The following CDH23 variants were observed in gnomAD, a reference collection of about 807,000 sequenced individuals.
CDH23 encodes the protein cadherin-23.
In CDH23, 189 loss-of-function variants were observed where a neutral mutation model predicts 317.1. That is an observed-to-expected ratio of 0.60 (90% CI 0.53 to 0.67). CDH23 has a LOEUF of 0.67. Ranked by LOEUF, CDH23 falls within the 30% of genes least tolerant of loss-of-function variation. The pLI is 0.00. For missense variants in CDH23, 4,401 were observed against 4,592.4 expected, an observed-to-expected ratio of 0.96 and a Z score of 1.20; for synonymous variants, 1,839 against 1,876.8, an observed-to-expected ratio of 0.98 and a Z score of 0.52.
chr10:71,789,748 C>T (rs539334686), intron 45 of CDH23, among the ~76,000 whole-genome samples: 17 of 152,336 alleles, frequency 1.1e-4, no homozygotes, highest in African/African-American at 3.6e-4. Context: ...CCCACTGATG[C>T]GCTCGTGTGC....
chr10:71,646,225 C>T (rs1390829438), intron 13 of CDH23, among the ~76,000 whole-genome samples: 2 of 152,218 alleles, frequency 1.3e-5, no homozygotes, highest in Admixed American at 1.3e-4. Flanking sequence ...GGAGCCTCTG[C>T]AACCCATCTC....
At position 71,519,303 on chromosome 10, in the gene CDH23, G is replaced by A. The variant is rs116112953; in HGVS notation, c.429+8091G>A. On this transcript the variant is annotated intron_variant, in intron 6 of 69. Transcript: ENST00000224721. ...ATAGCTGCCTGCTAGTTCTGCTGCA[G>A]TGTTGGGCTGTCAGCCTCGCACGCT... Among the ~76,000 whole-genome samples, 1,183 of 152,316 alleles carry A rather than the reference G, an allele frequency of 7.8e-3. 15 individuals carry two copies. The highest frequency in any genetic ancestry group is 0.027 in the African/African-American group (1,126 of 41,572).
chr10:71,606,179 A>C (rs1366497185), intron 9 of CDH23, among the ~76,000 whole-genome samples: 1 of 152,152 alleles, frequency 6.6e-6, no homozygotes, highest in Admixed American at 6.5e-5. Context: ...TTATTAGGAG[A>C]GGTTATAATT....
chr10:71,814,731 C>CAA (rs1842069156), intron 69 of CDH23, among the ~76,000 whole-genome samples: 1 of 151,858 alleles, frequency 6.6e-6, no homozygotes, highest in South Asian at 2.1e-4. Flanking sequence ...CACACACACA[C>CAA]ACACAGATTT....
At chr10:71,812,956 A>C in intron 68 of CDH23, 66 bp downstream of exon 68, 1 of 1,591,658 alleles carries the variant, frequency 6.3e-7, no homozygotes, top group South Asian at 1.1e-5. Context: ...TCCAGAGAAC[A>C]CAGGGTGGTA....
At chr10:71,532,689 T>C (rs1299880387) in intron 6 of CDH23, among the ~76,000 whole-genome samples, 3 of 150,904 alleles carry the variant, frequency 2.0e-5, no homozygotes, top group Non-Finnish European at 4.4e-5. Context: ...AGTTTGATGT[T>C]GGCAAGTTTT....
chr10:71,615,756 C>T (rs774406824), intron 10 of CDH23, 140 bp downstream of exon 10: 19 of 635,766 alleles, frequency 3.0e-5, no homozygotes, highest in Non-Finnish European at 2.5e-5. Flanking sequence ...CCCTGCACTG[C>T]CTCCCGGGGC....
chr10:71,603,292 C>A (rs369630752), intron 9 of CDH23, among the ~76,000 whole-genome samples: 1 of 152,224 alleles, frequency 6.6e-6, no homozygotes, highest in African/African-American at 2.4e-5. Flanking sequence ...TTCCTCCCTC[C>A]CCCTCCTTCC....
At chr10:71,530,718 C>T (rs756593882) in intron 6 of CDH23, among the ~76,000 whole-genome samples, 2 of 152,222 alleles carry the variant, frequency 1.3e-5, no homozygotes, top group African/African-American at 2.4e-5. Flanking sequence ...AGTCAGAACA[C>T]TCATCTCCCC....
intron 38 of CDH23, among the ~76,000 whole-genome samples, chr10:71,773,911 A>G (rs1353566421): frequency 2.6e-5 from 4 of 152,120 alleles, no homozygotes; most frequent in Non-Finnish European, 5.9e-5. Flanking sequence ...AGGGCTTGGT[A>G]TGTGGTAGGC....
chr10:71,486,180 T>A (rs916739344), intron 3 of CDH23, among the ~76,000 whole-genome samples: 1 of 152,220 alleles, frequency 6.6e-6, no homozygotes, highest in Non-Finnish European at 1.5e-5. Flanking sequence ...ATTTCATCTT[T>A]GGGGTCTGCC....
chr10:71,688,541 GAT>G (rs1865004626), intron 19 of CDH23, among the ~76,000 whole-genome samples: 4 of 149,924 alleles, frequency 2.7e-5, no homozygotes, highest in Admixed American at 6.6e-5. Context: ...TGGAACCAGG[GAT>G]GGTGGAGTCA....
intron 3 of CDH23, among the ~76,000 whole-genome samples, chr10:71,488,849 A>G (rs1358544092): frequency 6.6e-6 from 1 of 152,212 alleles, no homozygotes; most frequent in East Asian, 1.9e-4. Context: ...ATTTTTGCTT[A>G]ATATGGAATT....
intron 48 of CDH23, among the ~76,000 whole-genome samples, chr10:71,794,902 C>T (rs1841359180): frequency 6.6e-6 from 1 of 152,138 alleles, no homozygotes; most frequent in Admixed American, 6.6e-5. Context: ...TGCAGGTATC[C>T]ATTTCTGGGA....
At chr10:71,793,039 CAAGTATGAAA>C in intron 47 of CDH23, 133 bp from the exon 48 acceptor site, 1 of 544,954 alleles carries the variant, frequency 1.8e-6, no homozygotes, top group Non-Finnish European at 3.3e-6. Context: ...TATAAAATTG[CAAGTATGAAA>C]AAGGTATAAA....
At chr10:71,704,501 G>C (rs1348289211) in intron 24 of CDH23, among the ~76,000 whole-genome samples, 1 of 152,172 alleles carries the variant, frequency 6.6e-6, no homozygotes, top group Non-Finnish European at 1.5e-5. Flanking sequence ...AGCGGGGCAG[G>C]GGAAGTCTGT....
chr10:71,447,981 C>T (rs970884786), intron 3 of CDH23, among the ~76,000 whole-genome samples: 3 of 152,242 alleles, frequency 2.0e-5, no homozygotes, highest in African/African-American at 7.2e-5. Flanking sequence ...ATTTAAATCT[C>T]ATCCTCTGGG....
At chr10:71,580,709 C>T (rs2132410091) in intron 9 of CDH23, among the ~76,000 whole-genome samples, 1 of 152,314 alleles carries the variant, frequency 6.6e-6, no homozygotes, top group South Asian at 2.1e-4. Flanking sequence ...ACTTCCTTTA[C>T]CTATTTCGTG....
intron 3 of CDH23, among the ~76,000 whole-genome samples, chr10:71,466,479 C>T (rs531415229): frequency 2.2e-4 from 34 of 152,010 alleles, no homozygotes; most frequent in Non-Finnish European, 4.1e-4. Context: ...TGTGAGTGTG[C>T]CCCACCTCAC....
Sources: gnomAD v4.1 joint callset for allele counts (sites outside exome capture counted in the v4.1 genomes callset) on GRCh38, gnomAD v4.1.1 for gene constraint, MANE v1.5 for transcripts, NCBI Gene and HGNC (gene_info 2026-07-23, HGNC 2026-07-21) for gene names.